FBXL20: variants seen among roughly 807,000 people sequenced by gnomAD.
FBXL20 encodes F-box and leucine rich repeat protein 20.
In FBXL20, 11 loss-of-function variants were observed where a neutral mutation model predicts 64.0. The ratio of observed to expected loss-of-function variants is 0.17; its 90% confidence interval spans 0.11 to 0.28. The LOEUF (loss-of-function observed/expected upper bound fraction) is 0.28, where lower values mean the gene tolerates loss of function less well. Among genes scored for constraint, FBXL20 ranks in the 10% least tolerant of loss-of-function variants. FBXL20 has a pLI of 1.00. For missense variants in FBXL20, 303 were observed against 526.2 expected (o/e 0.58, Z 4.15); for synonymous variants, 184 against 189.0 (o/e 0.97, Z 0.22).
chr17:39,296,311 A>G (rs1328736805), intron 6 of FBXL20, among the ~76,000 whole-genome samples: 1 of 152,160 alleles, frequency 6.6e-6, no homozygotes, highest in Non-Finnish European at 1.5e-5. Flanking sequence ...CTGTAATCCC[A>G]GCACTTTGGG....
In FBXL20 at chr17:39,256,929, T is replaced by C. The variant is rs888843592; in HGVS notation, c.*4531A>G. ...AAGACAGGTTTCATCACATATTTTG[T>C]TTAGTCCCCCATGGCATTAGTGGGC... is the stretch of plus-strand genomic sequence containing the variant. On this transcript the variant is annotated 3_prime_UTR_variant, in exon 15 of 15. Coordinates refer to ENST00000264658, the MANE Select transcript of FBXL20 (RefSeq NM_032875.3). The C allele has an allele frequency of 6.6e-6, 1 of 152,216 alleles. No homozygotes were observed. The highest frequency in any genetic ancestry group is 2.4e-5 in the African/African-American group (1 of 41,456). The allele number at this position is 152,216 out of a possible 1,614,324, so 9.4% of individuals were successfully genotyped here. A position where few individuals can be genotyped will look rare whatever the true frequency, so the allele number is the denominator to read the frequency against.
At chr17:39,311,418 G>A (rs1428652511) in intron 2 of FBXL20, among the ~76,000 whole-genome samples, 1 of 151,572 alleles carries the variant, frequency 6.6e-6, no homozygotes, top group Non-Finnish European at 1.5e-5. Flanking sequence ...TCTCTATTAA[G>A]ACTCTTTTTT....
intron 6 of FBXL20, among the ~76,000 whole-genome samples, chr17:39,293,518 C>T (rs931117515): frequency 5.3e-5 from 8 of 151,962 alleles, no homozygotes; most frequent in East Asian, 1.9e-4. Context: ...CCACCATGCC[C>T]GGCCTGATTC....
chr17:39,371,918 T>C (rs1406419895), intron 1 of FBXL20, among the ~76,000 whole-genome samples: 1 of 152,176 alleles, frequency 6.6e-6, no homozygotes, highest in Non-Finnish European at 1.5e-5. Context: ...CTTCCCATTA[T>C]AGACTTCTGG....
chr17:39,274,158 C>T (rs899336333), intron 10 of FBXL20, among the ~76,000 whole-genome samples: 1 of 152,122 alleles, frequency 6.6e-6, no homozygotes, highest in East Asian at 1.9e-4. Context: ...CACAGGTGTG[C>T]GCCTCGGCAC....
At chr17:39,388,489 A>AT (rs1555615468) in intron 1 of FBXL20, among the ~76,000 whole-genome samples, 113 of 144,768 alleles carry the variant, frequency 7.8e-4, no homozygotes, top group South Asian at 8.8e-4. Flanking sequence ...TTTTTTTTTA[A>AT]TTTTTTTTTT....
At chr17:39,317,701 G>GTTTTT (rs1238194174) in intron 2 of FBXL20, among the ~76,000 whole-genome samples, 2 of 44,282 alleles carry the variant, frequency 4.5e-5, no homozygotes, top group South Asian at 6.0e-4. Flanking sequence ...TTTTTTTTTT[G>GTTTTT]TTTTTTTTTT....
At chr17:39,380,773 G>C (rs2048014313) in intron 1 of FBXL20, among the ~76,000 whole-genome samples, 2 of 152,128 alleles carry the variant, frequency 1.3e-5, no homozygotes, top group South Asian at 4.1e-4. Context: ...GATGTAAAAA[G>C]TGCACCACAA....
At chr17:39,360,938 G>A (rs1597819355) in intron 1 of FBXL20, among the ~76,000 whole-genome samples, 1 of 152,072 alleles carries the variant, frequency 6.6e-6, no homozygotes, top group Non-Finnish European at 1.5e-5. Flanking sequence ...CATGACATGG[G>A]TCATATTTTT....
chr17:39,299,195 C>G, intron 4 of FBXL20, 111 bp from the exon 5 acceptor site: 1 of 740,834 alleles, frequency 1.3e-6, no homozygotes, highest in Non-Finnish European at 2.2e-6. Flanking sequence ...TCTATTATGA[C>G]CTAATTTAAT....
chr17:39,282,206 C>A (rs1348109101), intron 8 of FBXL20, among the ~76,000 whole-genome samples: 2 of 152,120 alleles, frequency 1.3e-5, no homozygotes, highest in African/African-American at 4.8e-5. Context: ...CTAATCAATT[C>A]TTTTTTTCAC....
intron 9 of FBXL20, among the ~76,000 whole-genome samples, chr17:39,278,650 C>T (rs546250627): frequency 8.8e-5 from 13 of 148,446 alleles, no homozygotes; most frequent in East Asian, 2.1e-4. Flanking sequence ...TGGGTTCAAG[C>T]GATTCTCCTG....
intron 2 of FBXL20, among the ~76,000 whole-genome samples, chr17:39,319,369 A>G (rs1567878150): frequency 6.6e-6 from 1 of 151,986 alleles, no homozygotes; most frequent in Non-Finnish European, 1.5e-5. Flanking sequence ...AATGGCCACT[A>G]AAGCCCAATG....
At chr17:39,282,971 A>T in intron 7 of FBXL20, 116 bp from the exon 8 acceptor site, 1 of 1,172,020 alleles carries the variant, frequency 8.5e-7, no homozygotes, top group Non-Finnish European at 1.2e-6. Flanking sequence ...TTTTTCCCAC[A>T]AGAAAAAACA....
intron 2 of FBXL20, among the ~76,000 whole-genome samples, chr17:39,313,089 T>C (rs899982818): frequency 4.7e-5 from 7 of 150,242 alleles, no homozygotes; most frequent in African/African-American, 1.7e-4. Context: ...TGGCTAATTT[T>C]ATTATTTTTA....
intron 1 of FBXL20, among the ~76,000 whole-genome samples, chr17:39,379,499 C>A (rs376190180): frequency 1.8e-5 from 2 of 114,196 alleles, no homozygotes; most frequent in African/African-American, 4.3e-5. Context: ...AAAAAAAAAA[C>A]TGGCCAGGCA....
chr17:39,262,556 C>T (rs1034956164), intron 14 of FBXL20, among the ~76,000 whole-genome samples: 10 of 151,600 alleles, frequency 6.6e-5, no homozygotes, highest in Non-Finnish European at 4.4e-5. Flanking sequence ...GCTGGGATTA[C>T]AGGCGTGAGC....
At chr17:39,363,077 T>A (rs2047814860) in intron 1 of FBXL20, among the ~76,000 whole-genome samples, 1 of 151,502 alleles carries the variant, frequency 6.6e-6, no homozygotes. Flanking sequence ...TCTCAGCTCA[T>A]CACAACCTCC....
At chr17:39,327,932 T>C (rs9944459) in intron 2 of FBXL20, among the ~76,000 whole-genome samples, 32,502 of 151,936 alleles carry the variant, frequency 0.21, 3,981 homozygotes, top group African/African-American at 0.33. Context: ...TCAGGAGCAA[T>C]GAGCATATCT....
Sources: gnomAD v4.1 joint callset for allele counts (sites outside exome capture counted in the v4.1 genomes callset) on GRCh38, gnomAD v4.1.1 for gene constraint, MANE v1.5 for transcripts, NCBI Gene and HGNC (gene_info 2026-07-23, HGNC 2026-07-21) for gene names.